RFWD3: variants seen among roughly 807,000 people sequenced by gnomAD.
The protein encoded by RFWD3 is ring finger and WD repeat domain 3, also known as E3 ubiquitin-protein ligase RFWD3.
A neutral mutation model predicts 87.7 loss-of-function variants in RFWD3; 65 were observed. The ratio of observed to expected loss-of-function variants is 0.74; its 90% CI spans 0.61 to 0.91. RFWD3 has a LOEUF of 0.91. Among genes scored for constraint, RFWD3 ranks in the 40% least tolerant of loss-of-function variants. The pLI, the probability that RFWD3 is intolerant of heterozygous loss-of-function variation, is 0.00. For synonymous variants in RFWD3, 433 were observed against 352.8 expected (o/e 1.23, Z -2.55); for missense variants, 1,078 against 938.5 (o/e 1.15, Z -1.94).
chr16:74,635,157 G>C (rs1346261695), intron 8 of RFWD3, among the ~76,000 whole-genome samples: 1 of 152,052 alleles, frequency 6.6e-6, no homozygotes, highest in Non-Finnish European at 1.5e-5. Context: ...GCGGGCGCCT[G>C]TAGTCCCAGC....
At chr16:74,650,133 A>C (rs1307871113) in intron 3 of RFWD3, among the ~76,000 whole-genome samples, 2 of 152,236 alleles carry the variant, frequency 1.3e-5, no homozygotes, top group African/African-American at 2.4e-5. Flanking sequence ...TGTTACATAA[A>C]ACATTAAAAA....
intron 6 of RFWD3, among the ~76,000 whole-genome samples, chr16:74,639,232 T>C (rs1472246061): frequency 6.6e-6 from 1 of 152,108 alleles, no homozygotes; most frequent in African/African-American, 2.4e-5. Flanking sequence ...GAGACAGGGT[T>C]TCACCATGTT....
In RFWD3 at chr16:74,644,555, G is replaced by T. The variant is rs1342623731; in HGVS notation, c.973C>A (p.Arg325=). Residue 325 remains arginine (R), a synonymous_variant, in exon 5 of 13, where the codon CGA becomes AGA. Transcript: ENST00000361070. ...CISTWLKGQV[R]KCPQCNKKAR... is the part of the protein sequence containing the mutation. ...ATGGTCCTTACCTGGGGACATTTTC[G>T]TACTTGTCCTTTAAGCCACGTGGAA... is the stretch of plus-strand genomic sequence containing the variant. 6.2e-7 allele frequency: 1 copy of T among 1,614,050 alleles called. No individual in the cohort carries two copies. The highest frequency in any genetic ancestry group is 1.7e-5 in the Admixed American group (1 of 60,006).
rs562199017 is a variant in RFWD3, at chr16:74,643,629, A to G, written c.1079+733T>C. Reference sequence around the variant, plus strand: ...CTCTCAATGGTGTGTATGTTCTTTAATATTTTTGAAGCATATACTGAGTGG... The same window carrying G: ...CTCTCAATGGTGTGTATGTTCTTTAGTATTTTTGAAGCATATACTGAGTGG... On this transcript the variant is annotated intron_variant, in intron 6 of 12. Coordinates refer to ENST00000361070, the MANE Select transcript of RFWD3 (RefSeq NM_018124.4). Among the ~76,000 whole-genome samples, 8 of 148,728 alleles carry G rather than the reference A, an allele frequency of 5.4e-5. No homozygotes were observed. In the South Asian group the frequency reaches 1.5e-3, roughly 27 times the overall value.
At position 74,636,529 on chromosome 16, in the gene RFWD3, T is replaced by C; in HGVS notation, c.1243A>G (p.Arg415Gly). The change falls in exon 8 of 13, where the codon AGG (arginine) becomes GGG (glycine). Residue 415 changes from arginine to glycine, a missense_variant. Coordinates refer to ENST00000361070, the MANE Select transcript of RFWD3 (RefSeq NM_018124.4). ...CTCAGGACCCATGCTTGGGAGCCCC[T>C]GGGTTGCTGTAAATTCTGACTTTGA... ...SHQSQNLQQP[R>G]GSQAWVLSCS... is the part of the protein sequence containing the mutation. The C allele has an allele frequency of 6.2e-7, 1 of 1,613,984 alleles. No homozygotes were observed. Among genetic ancestry groups the C allele is most frequent in the Non-Finnish European group, 8.5e-7 (1 of 1,180,030 alleles).
Position 74,652,110 on chromosome 16 carries a change from T to C in RFWD3, c.531A>G (p.Pro177=). 1 of 1,613,998 alleles carries C rather than the reference T, an allele frequency of 6.2e-7. No individual in the cohort carries two copies. Among genetic ancestry groups the C allele is most frequent in the Non-Finnish European group, 8.5e-7 (1 of 1,179,958 alleles). The change falls in exon 3 of 13, where the codon CCA becomes CCG. Residue 177 remains proline, a synonymous_variant. Transcript: ENST00000361070. ...QRTDSARLRA[P]LDAYFQVSRT... ...TGCTCACCTGAAAGTAAGCATCCAA[T>C]GGTGCTCTCAACCTATGTACACAGA...
intron 6 of RFWD3, among the ~76,000 whole-genome samples, chr16:74,639,649 G>T (rs564180571): frequency 5.9e-5 from 9 of 152,138 alleles, no homozygotes; most frequent in African/African-American, 1.9e-4. Context: ...AGATCCCAAA[G>T]GTGTTTTTCA....
At chr16:74,662,473 T>A (rs185796032) in intron 1 of RFWD3, among the ~76,000 whole-genome samples, 1 of 152,248 alleles carries the variant, frequency 6.6e-6, no homozygotes, top group East Asian at 1.9e-4. Flanking sequence ...AAGATGTCAA[T>A]AAACAAATAC....
At position 74,636,434 on chromosome 16, in the gene RFWD3, C is replaced by T. The variant is rs751506927; in HGVS notation, c.1338G>A (p.Gln446=). The change falls in exon 8 of 13, where the codon CAG becomes CAA. Residue 446 remains glutamine, a synonymous_variant. Coordinates refer to ENST00000361070, the MANE Select transcript of RFWD3 (RefSeq NM_018124.4). ...YHFQKTFTVS[Q]AGNCRIMAYC... ...ATGCCATGATCCGGCAGTTTCCTGC[C>T]TGAGATACTGTGAAGGTCTTTTGGA... 3 of 1,614,044 alleles carry T rather than the reference C, an allele frequency of 1.9e-6. No individual in the cohort carries two copies. In the African/African-American group the frequency reaches 4.0e-5, roughly 22 times the overall value.
At chr16:74,636,099 C>A (rs949566006) in intron 8 of RFWD3, among the ~76,000 whole-genome samples, 2 of 152,198 alleles carry the variant, frequency 1.3e-5, no homozygotes, top group African/African-American at 4.8e-5. Context: ...ACCTACACTT[C>A]CAAGGACCTC....
At chr16:74,631,548 A>G (rs1256351915) in intron 9 of RFWD3, among the ~76,000 whole-genome samples, 1 of 152,044 alleles carries the variant, frequency 6.6e-6, no homozygotes, top group Non-Finnish European at 1.5e-5. Flanking sequence ...TTTTAAAACA[A>G]TACTTATAAA....
chr16:74,635,143 G>C (rs1428582140), intron 8 of RFWD3, among the ~76,000 whole-genome samples: 1 of 152,070 alleles, frequency 6.6e-6, no homozygotes, highest in African/African-American at 2.4e-5. Flanking sequence ...AGCTGGGTGT[G>C]GTGGCGGGCG....
Position 74,628,540 on chromosome 16 carries a change from C to T in RFWD3, c.1881G>A (p.Trp627Ter). The T allele has an allele frequency of 1.2e-6, 2 of 1,614,166 alleles. No individual in the cohort carries two copies. The highest frequency in any genetic ancestry group is 1.1e-5 in the South Asian group (1 of 91,084). ...FWEQKMDFSH[W>*]PHVLPLEPGG... ...CTGGCTCCAAGGGCAGCACATGAGGCCAATGAGAAAAGTCCATTTTCTGTT... is the reference window on the plus strand; with the variant it reads ...CTGGCTCCAAGGGCAGCACATGAGGTCAATGAGAAAAGTCCATTTTCTGTT... The change falls in exon 11 of 13, where the codon TGG (tryptophan) becomes TGA (stop). Residue 627 changes from tryptophan to a stop codon, truncating the protein, a stop_gained. Transcript: ENST00000361070. LOFTEE classifies it high-confidence loss of function.
chr16:74,633,349 A>AG (rs1323649388), intron 8 of RFWD3, among the ~76,000 whole-genome samples: 2 of 149,774 alleles, frequency 1.3e-5, no homozygotes, highest in East Asian at 1.9e-4. Flanking sequence ...GAGAAGAAGA[A>AG]AAAAAAAAAG....
chr16:74,630,760 A>G, intron 10 of RFWD3, 21 bp downstream of exon 10: 3 of 1,567,932 alleles, frequency 1.9e-6, no homozygotes, highest in Non-Finnish European at 2.6e-6. Flanking sequence ...ACCACCAGGA[A>G]AAGAGTGAGT....
rs770817600 is a variant in RFWD3, at chr16:74,637,899, T to C, written c.1151A>G (p.Gln384Arg). The C allele has an allele frequency of 4.3e-6, 7 of 1,612,858 alleles. No individual in the cohort carries two copies. Among genetic ancestry groups the C allele is most frequent in the Non-Finnish European group, 5.9e-6 (7 of 1,179,730 alleles). ...CCTAGTGCACTTATCAGTGAGGACC[T>C]GCAGTTGGAGTCGGCACTGTGCTGA... Reference protein sequence around the residue: ...LESAQCRLQLQVLTDKCTRLQ... With the variant: ...LESAQCRLQLRVLTDKCTRLQ... The change falls in exon 7 of 13, where the codon CAG (glutamine) becomes CGG (arginine). Residue 384 changes from glutamine to arginine, a missense_variant. By Grantham distance (43) the Gln-to-Arg change is conservative. Coordinates refer to ENST00000361070, the MANE Select transcript of RFWD3 (RefSeq NM_018124.4).
chr16:74,631,340 C>T lies in RFWD3; in HGVS notation c.1578-383G>A, dbSNP rs1430294546. On this transcript the variant is annotated intron_variant, in intron 9 of 12. Transcript: ENST00000361070. ...TACAAAAATTAGCCAGGTGTGGTGG[C>T]ATGCACCTGTAATCCCAGCTACTCG... Among the ~76,000 whole-genome samples the T allele has an allele frequency of 2.0e-5, 3 of 152,024 alleles. No homozygotes were observed. The East Asian group carries it at 5.8e-4, about 29-fold the overall frequency.
intron 11 of RFWD3, among the ~76,000 whole-genome samples, chr16:74,627,159 CAAAACTT>C (rs1958963286): frequency 6.6e-6 from 1 of 152,154 alleles, no homozygotes; most frequent in African/African-American, 2.4e-5. Context: ...TCAGCTCAAA[CAAAACTT>C]AAAAACATGA....
chr16:74,647,242 C>T (rs1597441387), intron 4 of RFWD3, among the ~76,000 whole-genome samples: 1 of 152,034 alleles, frequency 6.6e-6, no homozygotes, highest in Non-Finnish European at 1.5e-5. Context: ...GAAGAATTCA[C>T]AGCAGATGTA....
Sources: gnomAD v4.1 joint callset for allele counts (sites outside exome capture counted in the v4.1 genomes callset) on GRCh38, gnomAD v4.1.1 for gene constraint, MANE v1.5 for transcripts, NCBI Gene and HGNC (gene_info 2026-07-23, HGNC 2026-07-21) for gene names.